GPC5: variants seen among roughly 807,000 people sequenced by gnomAD.
The protein encoded by GPC5 is glypican-5.
Under a neutral mutation model 53.9 loss-of-function variants are expected in GPC5, and 47 were observed. That is an observed-to-expected ratio of 0.87 (90% CI 0.69 to 1.11). GPC5 has a LOEUF of 1.11. Ranked by LOEUF, GPC5 falls within the 50% of genes most tolerant of loss-of-function variation. GPC5 has a pLI of 0.00. For missense variants in GPC5, 748 were observed against 713.1 expected (o/e 1.05, Z -0.56); for synonymous variants, 286 against 263.3 (o/e 1.09, Z -0.84).
At chr13:91,465,958 A>G (rs1882212112) in intron 2 of GPC5, among the ~76,000 whole-genome samples, 1 of 152,138 alleles carries the variant, frequency 6.6e-6, no homozygotes, top group South Asian at 2.1e-4. Context: ...TAAATTATGA[A>G]CACTGAGATC....
intron 6 of GPC5, among the ~76,000 whole-genome samples, chr13:91,955,040 G>A (rs1476872384): frequency 6.6e-6 from 1 of 152,140 alleles, no homozygotes; most frequent in Non-Finnish European, 1.5e-5. Flanking sequence ...TATACAAGAT[G>A]TATAGCATGA....
chr13:92,084,394 A>G (rs2041320375), intron 6 of GPC5, among the ~76,000 whole-genome samples: 1 of 152,230 alleles, frequency 6.6e-6, no homozygotes, highest in African/African-American at 2.4e-5. Context: ...GAGAAAAAAT[A>G]TTTAAACAGT....
Position 91,719,947 on chromosome 13 carries a change from G to T in GPC5, c.1021-8585G>T, listed in dbSNP as rs569455007. Among the ~76,000 whole-genome samples, 10 of 152,156 alleles carry T rather than the reference G, an allele frequency of 6.6e-5. No homozygotes were observed. The South Asian group carries it at 1.9e-3, about 28-fold the overall frequency. On this transcript the variant is annotated intron_variant, in intron 3 of 7. Transcript: ENST00000377067. ...TGGATAAAGCTATAAAGAAAGGCAT[G>T]TCAAATTCAGGTTATATGTTTAAAC...
chr13:91,630,941 T>A (rs2034142814), intron 2 of GPC5, among the ~76,000 whole-genome samples: 1 of 152,174 alleles, frequency 6.6e-6, no homozygotes. Context: ...ATCCAGTAAC[T>A]TAACCATAGG....
intron 2 of GPC5, among the ~76,000 whole-genome samples, chr13:91,567,482 C>T (rs564408442): frequency 6.6e-6 from 1 of 152,268 alleles, no homozygotes; most frequent in East Asian, 1.9e-4. Flanking sequence ...CTCAGGTACA[C>T]TGAATCAGGG....
At chr13:92,099,477 T>G (rs2041448415) in intron 6 of GPC5, among the ~76,000 whole-genome samples, 1 of 152,178 alleles carries the variant, frequency 6.6e-6, no homozygotes, top group Admixed American at 6.5e-5. Flanking sequence ...TTAAATACTT[T>G]TACACTCCTA....
chr13:92,319,377 T>C (rs944462530), intron 7 of GPC5, among the ~76,000 whole-genome samples: 4 of 150,206 alleles, frequency 2.7e-5, no homozygotes, highest in African/African-American at 9.8e-5. Flanking sequence ...GCCAATGTAT[T>C]TTTTTTTCCC....
intron 4 of GPC5, among the ~76,000 whole-genome samples, chr13:91,745,682 A>G (rs1385781660): frequency 1.3e-5 from 2 of 152,178 alleles, no homozygotes; most frequent in Admixed American, 6.6e-5. Flanking sequence ...GTAATGAGCA[A>G]TGAGTTCAGG....
intron 6 of GPC5, among the ~76,000 whole-genome samples, chr13:92,099,982 A>G (rs957414917): frequency 1.3e-5 from 2 of 152,210 alleles, no homozygotes; most frequent in Non-Finnish European, 2.9e-5. Context: ...ACCATAAAGA[A>G]GCAAACAGCT....
At chr13:91,750,056 C>T (rs765583614) in intron 4 of GPC5, among the ~76,000 whole-genome samples, 5 of 152,332 alleles carry the variant, frequency 3.3e-5, no homozygotes, top group Non-Finnish European at 5.9e-5. Context: ...TTGATTCCGT[C>T]TGCCTCGGTC....
chr13:91,505,368 A>G (rs140207773), intron 2 of GPC5, among the ~76,000 whole-genome samples: 1 of 152,314 alleles, frequency 6.6e-6, no homozygotes, highest in East Asian at 1.9e-4. Flanking sequence ...TACTTGTTCA[A>G]TTGAGATATT....
At chr13:92,566,394 C>A (rs556891854) in intron 7 of GPC5, among the ~76,000 whole-genome samples, 1 of 152,064 alleles carries the variant, frequency 6.6e-6, no homozygotes, top group African/African-American at 2.4e-5. Flanking sequence ...ATCTTTAAAG[C>A]TAAATGAATC....
At chr13:91,981,213 C>T (rs769220663) in intron 6 of GPC5, among the ~76,000 whole-genome samples, 13 of 152,032 alleles carry the variant, frequency 8.6e-5, no homozygotes, top group Non-Finnish European at 1.8e-4. Context: ...AGCTATTCTA[C>T]ATCCATGCCA....
At chr13:91,687,988 T>C (rs1348059852) in intron 2 of GPC5, among the ~76,000 whole-genome samples, 5 of 152,102 alleles carry the variant, frequency 3.3e-5, no homozygotes, top group Non-Finnish European at 7.4e-5. Context: ...TTATTTTATA[T>C]GTCTATTACG....
At chr13:91,631,336 A>G (rs1411927894) in intron 2 of GPC5, among the ~76,000 whole-genome samples, 2 of 152,086 alleles carry the variant, frequency 1.3e-5, no homozygotes, top group Non-Finnish European at 2.9e-5. Flanking sequence ...CTTTCACCAA[A>G]CATATGTGAC....
intron 3 of GPC5, among the ~76,000 whole-genome samples, chr13:91,713,933 T>C (rs1373284024): frequency 6.6e-6 from 1 of 152,112 alleles, no homozygotes. Context: ...GTTAGTCTAA[T>C]CTCATCCAGT....
intron 1 of GPC5, 117 bp downstream of exon 1, chr13:91,399,326 G>A: frequency 7.8e-7 from 1 of 1,286,324 alleles, no homozygotes; most frequent in Non-Finnish European, 1.0e-6. Flanking sequence ...CAGCCGCGCA[G>A]GGTGAATCCC....
chr13:92,153,353 G>A (rs1401875399), intron 7 of GPC5, among the ~76,000 whole-genome samples: 2 of 152,008 alleles, frequency 1.3e-5, no homozygotes, highest in African/African-American at 4.8e-5. Context: ...GGCTAGGCTG[G>A]TTTCAAACTC....
At chr13:92,452,262 T>C (rs184694643) in intron 7 of GPC5, among the ~76,000 whole-genome samples, 1 of 152,206 alleles carries the variant, frequency 6.6e-6, no homozygotes, top group East Asian at 1.9e-4. Flanking sequence ...GGTACAAATG[T>C]AGAAATAACT....
Sources: gnomAD v4.1 joint callset for allele counts (sites outside exome capture counted in the v4.1 genomes callset) on GRCh38, gnomAD v4.1.1 for gene constraint, MANE v1.5 for transcripts, NCBI Gene and HGNC (gene_info 2026-07-23, HGNC 2026-07-21) for gene names.